Variants in RNLS observed in about 807,000 individuals in gnomAD.
The protein encoded by RNLS is renalase.
RNLS carries 39 observed loss-of-function variants against 39.8 expected under a neutral mutation model. The observed-to-expected ratio is 0.98, with a 90% confidence interval of 0.76 to 1.28. The LOEUF (loss-of-function observed/expected upper bound fraction) is 1.28, where lower values mean the gene tolerates loss of function less well. RNLS is among the 50% of genes most tolerant of loss of function. The pLI, the probability that RNLS is intolerant of heterozygous loss-of-function variation, is 0.00. For missense variants in RNLS, 410 were observed against 413.3 expected (o/e 0.99, Z 0.07); for synonymous variants, 147 against 150.7 (o/e 0.98, Z 0.18).
At chr10:88,403,424 G>T (rs961840012) in intron 4 of RNLS, among the ~76,000 whole-genome samples, 1 of 151,992 alleles carries the variant, frequency 6.6e-6, no homozygotes, top group African/African-American at 2.4e-5. Context: ...TTTTGTTATG[G>T]TTTAAAACAA....
At chr10:88,454,992 A>G (rs1842549070) in intron 4 of RNLS, among the ~76,000 whole-genome samples, 1 of 152,224 alleles carries the variant, frequency 6.6e-6, no homozygotes, top group Non-Finnish European at 1.5e-5. Flanking sequence ...TATACTAGGA[A>G]CTGAGAAACA....
intron 4 of RNLS, among the ~76,000 whole-genome samples, chr10:88,538,519 G>T (rs1424144622): frequency 6.6e-6 from 1 of 152,056 alleles, no homozygotes; most frequent in Non-Finnish European, 1.5e-5. Context: ...AAGCGTAAAA[G>T]TAAAACTTGA....
chr10:88,215,769 G>C, the RNLS span, among the ~76,000 whole-genome samples: 2 of 135,558 alleles, frequency 1.5e-5, no homozygotes, highest in African/African-American at 5.6e-5. Flanking sequence ...GCGTGATCTT[G>C]GCTCACTGCA....
chr10:88,508,258 C>G (rs1030890290), intron 4 of RNLS, among the ~76,000 whole-genome samples: 8 of 152,088 alleles, frequency 5.3e-5, no homozygotes, highest in East Asian at 3.9e-4. Context: ...GTTTTCTATG[C>G]AAATAGACAG....
the RNLS span, among the ~76,000 whole-genome samples, chr10:88,203,309 T>TAC: frequency 3.5e-4 from 5 of 14,138 alleles, 2 homozygotes; most frequent in African/African-American, 1.5e-3. Flanking sequence ...TATATATATA[T>TAC]ATACGTATGT....
At chr10:88,351,197 G>T (rs1256068304) in intron 5 of RNLS, among the ~76,000 whole-genome samples, 5 of 152,092 alleles carry the variant, frequency 3.3e-5, no homozygotes, top group Admixed American at 1.3e-4. Flanking sequence ...CACTCTGATG[G>T]TAGTTTCTTT....
chr10:88,262,896 C>T, the RNLS span, among the ~76,000 whole-genome samples: 2 of 152,048 alleles, frequency 1.3e-5, no homozygotes, highest in African/African-American at 2.4e-5. Flanking sequence ...ACTTCATTCT[C>T]GCCTCTATGG....
chr10:88,561,057 TAG>T (rs1849159317), intron 4 of RNLS, among the ~76,000 whole-genome samples: 1 of 151,544 alleles, frequency 6.6e-6, no homozygotes, highest in Non-Finnish European at 1.5e-5. Flanking sequence ...GAGTTTAGGG[TAG>T]AGAGAATGAG....
chr10:88,526,551 C>A (rs1847111044), intron 4 of RNLS, among the ~76,000 whole-genome samples: 1 of 151,770 alleles, frequency 6.6e-6, no homozygotes, highest in Non-Finnish European at 1.5e-5. Flanking sequence ...TCACTTGAGG[C>A]CAGGAGTTCA....
the RNLS span, among the ~76,000 whole-genome samples, chr10:88,231,311 C>T: frequency 9.8e-5 from 15 of 152,312 alleles, no homozygotes; most frequent in East Asian, 2.1e-3. Context: ...GAAAAACCCA[C>T]GTGAGGACTC....
chr10:88,541,890 G>A (rs1848062770), intron 4 of RNLS, among the ~76,000 whole-genome samples: 1 of 152,108 alleles, frequency 6.6e-6, no homozygotes, highest in Admixed American at 6.6e-5. Context: ...TGTCTGTCTG[G>A]TGAGCATAGG....
chr10:88,435,950 A>C (rs1214178243), intron 4 of RNLS, among the ~76,000 whole-genome samples: 1 of 152,148 alleles, frequency 6.6e-6, no homozygotes, highest in Non-Finnish European at 1.5e-5. Context: ...AAAGGGTATC[A>C]ATGAGTGATC....
intron 6 of RNLS, chr10:88,309,311 G>T: frequency 1.1e-6 from 1 of 928,014 alleles, no homozygotes; most frequent in Non-Finnish European, 1.5e-6. Flanking sequence ...GAAAATGCAT[G>T]GGAAAAAGCA....
At chr10:88,397,556 C>A (rs139058304) in intron 4 of RNLS, among the ~76,000 whole-genome samples, 1 of 150,912 alleles carries the variant, frequency 6.6e-6, no homozygotes, top group Non-Finnish European at 1.5e-5. Context: ...TTCCAACTTA[C>A]AAAACTAGAA....
chr10:88,513,532 C>T (rs1846255427), intron 4 of RNLS, among the ~76,000 whole-genome samples: 1 of 152,078 alleles, frequency 6.6e-6, no homozygotes, highest in African/African-American at 2.4e-5. Context: ...CTAATCATCC[C>T]TTCATCACTC....
At chr10:88,484,729 A>G (rs1031354149) in intron 4 of RNLS, among the ~76,000 whole-genome samples, 2 of 151,964 alleles carry the variant, frequency 1.3e-5, no homozygotes, top group Admixed American at 1.3e-4. Context: ...CTTTCCATCT[A>G]TCACTTTTTC....
At chr10:88,245,453 A>G in the RNLS span, among the ~76,000 whole-genome samples, 533 of 152,336 alleles carry the variant, frequency 3.5e-3, 6 homozygotes, top group African/African-American at 0.012. Flanking sequence ...AACCTGAGGT[A>G]CAGCTTGGCT....
chr10:88,391,901 A>G (rs1271185679), intron 4 of RNLS, among the ~76,000 whole-genome samples: 3 of 152,198 alleles, frequency 2.0e-5, no homozygotes, highest in Admixed American at 2.0e-4. Flanking sequence ...CTCTGCAATA[A>G]CCTGGGAAAC....
At position 88,581,555 on chromosome 10, in the gene RNLS, T is replaced by C. The variant is rs1423112949; in HGVS notation, c.367+12A>G. 6.3e-7 allele frequency: 1 copy of C among 1,582,588 alleles called. No homozygotes were observed. The highest frequency in any genetic ancestry group is 8.6e-7 in the Non-Finnish European group (1 of 1,168,148). On this transcript the variant is annotated intron_variant, in intron 3 of 6. Coordinates refer to ENST00000331772, the MANE Select transcript of RNLS (RefSeq NM_001031709.3). Reference sequence around the variant, plus strand: ...AATTTTAAAATTTAGGCAGAGAAAATCTTACTCCCACCTGATTCTTTCAAG... The same window carrying C: ...AATTTTAAAATTTAGGCAGAGAAAACCTTACTCCCACCTGATTCTTTCAAG...
Sources: gnomAD v4.1 joint callset for allele counts (sites outside exome capture counted in the v4.1 genomes callset) on GRCh38, gnomAD v4.1.1 for gene constraint, MANE v1.5 for transcripts, NCBI Gene and HGNC (gene_info 2026-07-23, HGNC 2026-07-21) for gene names.